Variants in IL26 observed in about 807,000 individuals in gnomAD.
IL26 encodes the protein interleukin 26.
IL26 carries 23 observed loss-of-function variants against 21.7 expected under a neutral mutation model. The ratio of observed to expected loss-of-function variants is 1.06; its 90% CI spans 0.76 to 1.50. IL26 has a LOEUF of 1.50. Ranked by LOEUF, IL26 falls within the 40% of genes most tolerant of loss-of-function variation. The probability of loss-of-function intolerance (pLI) is 0.00; values close to 1 mark genes in which losing one functional copy is unlikely to be tolerated. For synonymous variants in IL26, 63 were observed against 67.8 expected, an observed-to-expected ratio of 0.93 and a Z score of 0.34; for missense variants, 204 against 196.0, an observed-to-expected ratio of 1.04 and a Z score of -0.24.
At chr12:68,220,793 C>T (rs963104887) in intron 3 of IL26, among the ~76,000 whole-genome samples, 25 of 152,262 alleles carry the variant, frequency 1.6e-4, no homozygotes, top group African/African-American at 5.5e-4. Flanking sequence ...TGCGCCACCG[C>T]GCCTGGCTAA....
chr12:68,222,264 A>C (rs10784693), intron 3 of IL26, among the ~76,000 whole-genome samples: 27,950 of 152,112 alleles, frequency 0.18, 3,383 homozygotes, highest in East Asian at 0.55. Context: ...GATTTAAAGC[A>C]ATCAATATCA....
chr12:68,223,883 G>GTTTTTTTTTTTTTTTTTTTT (rs201652400), intron 3 of IL26, among the ~76,000 whole-genome samples: 9 of 81,884 alleles, frequency 1.1e-4, no homozygotes, highest in African/African-American at 1.4e-4. Context: ...TAAATTTGGT[G>GTTTTTTTTTTTTTTTTTTTT]GTTTTTTTTT....
intron 3 of IL26, among the ~76,000 whole-genome samples, chr12:68,217,279 A>T (rs1253636725): frequency 6.6e-6 from 1 of 152,236 alleles, no homozygotes; most frequent in African/African-American, 2.4e-5. Flanking sequence ...TTTTATCTTA[A>T]GAGTGGCTCA....
At chr12:68,209,845 T>G (rs1157993215) in intron 3 of IL26, among the ~76,000 whole-genome samples, 1 of 152,164 alleles carries the variant, frequency 6.6e-6, no homozygotes. Context: ...GACTGCATTC[T>G]CACGGAGAAT....
At chr12:68,214,424 ATT>A (rs1435747140) in intron 3 of IL26, among the ~76,000 whole-genome samples, 1 of 152,130 alleles carries the variant, frequency 6.6e-6, no homozygotes, top group Non-Finnish European at 1.5e-5. Context: ...CATTACTAAG[ATT>A]GGAGTGTTGA....
chr12:68,203,613 T>C (rs1868448545), intron 3 of IL26, among the ~76,000 whole-genome samples: 1 of 152,160 alleles, frequency 6.6e-6, no homozygotes, highest in Non-Finnish European at 1.5e-5. Context: ...GTCATATCAA[T>C]AAAGATAACA....
chr12:68,202,255 G>A (rs1408326820), intron 3 of IL26, among the ~76,000 whole-genome samples, 172 bp from the exon 4 acceptor site: 1 of 151,996 alleles, frequency 6.6e-6, no homozygotes, highest in African/African-American at 2.4e-5. Flanking sequence ...AGTTTCATGG[G>A]AAAGCAGATG....
chr12:68,225,084 C>T, intron 3 of IL26, 65 bp downstream of exon 3: 1 of 1,504,714 alleles, frequency 6.6e-7, no homozygotes, highest in Non-Finnish European at 8.9e-7. Flanking sequence ...GAGACAGATT[C>T]TTACATGCTG....
chr12:68,211,536 G>A (rs142002732), intron 3 of IL26, among the ~76,000 whole-genome samples: 2 of 152,004 alleles, frequency 1.3e-5, no homozygotes, highest in Non-Finnish European at 1.5e-5. Context: ...AGTGTGCCAG[G>A]GTTCCCCTTT....
intron 3 of IL26, among the ~76,000 whole-genome samples, chr12:68,204,490 A>G (rs1868478898): frequency 6.6e-6 from 1 of 152,144 alleles, no homozygotes; most frequent in Non-Finnish European, 1.5e-5. Context: ...AGAACCAGCC[A>G]CATTCTGGAC....
intron 3 of IL26, 83 bp from the exon 4 acceptor site, chr12:68,202,166 G>C: frequency 1.1e-6 from 1 of 904,774 alleles, no homozygotes; most frequent in Non-Finnish European, 1.7e-6. Flanking sequence ...AATATTTATA[G>C]AGCAGGTATT....
At chr12:68,222,577 G>A (rs1869084784) in intron 3 of IL26, among the ~76,000 whole-genome samples, 1 of 152,146 alleles carries the variant, frequency 6.6e-6, no homozygotes, top group South Asian at 2.1e-4. Flanking sequence ...AACAGAATGG[G>A]CCATTTCCTT....
chr12:68,222,704 C>A (rs1046607821), intron 3 of IL26, among the ~76,000 whole-genome samples: 1 of 152,196 alleles, frequency 6.6e-6, no homozygotes, highest in African/African-American at 2.4e-5. Context: ...ACAGTCCCCC[C>A]TTTCAAGAAG....
intron 3 of IL26, among the ~76,000 whole-genome samples, chr12:68,204,973 A>G (rs1425511222): frequency 7.0e-6 from 1 of 142,670 alleles, no homozygotes; most frequent in East Asian, 3.7e-4. Flanking sequence ...TGAAATTACA[A>G]TGTGTGATAA....
intron 3 of IL26, among the ~76,000 whole-genome samples, chr12:68,219,147 AG>A: frequency 6.6e-6 from 1 of 152,126 alleles, no homozygotes; most frequent in Non-Finnish European, 1.5e-5. Flanking sequence ...AAGTTAATAA[AG>A]AGAGAGAAAA....
At chr12:68,211,072 C>T in intron 3 of IL26, among the ~76,000 whole-genome samples, 1 of 152,170 alleles carries the variant, frequency 6.6e-6, no homozygotes, top group East Asian at 1.9e-4. Context: ...TAATCAACCT[C>T]TCTTCATCTT....
intron 3 of IL26, among the ~76,000 whole-genome samples, chr12:68,218,587 T>C (rs1334491638): frequency 6.6e-6 from 1 of 151,874 alleles, no homozygotes; most frequent in Non-Finnish European, 1.5e-5. Context: ...GTGGGACAAC[T>C]ACAAATGGGC....
At chr12:68,208,657 C>G (rs1868615488) in intron 3 of IL26, among the ~76,000 whole-genome samples, 1 of 152,086 alleles carries the variant, frequency 6.6e-6, no homozygotes, top group Non-Finnish European at 1.5e-5. Flanking sequence ...CACCCACCAC[C>G]ACGCCTGGCT....
intron 4 of IL26, 37 bp downstream of exon 4, chr12:68,201,981 A>G (rs774811574): frequency 1.3e-6 from 2 of 1,552,752 alleles, no homozygotes; most frequent in African/African-American, 1.4e-5. Context: ...TATTTTAAAA[A>G]ACAAAGTTTT....
Sources: gnomAD v4.1 joint callset for allele counts (sites outside exome capture counted in the v4.1 genomes callset) on GRCh38, gnomAD v4.1.1 for gene constraint, MANE v1.5 for transcripts, NCBI Gene and HGNC (gene_info 2026-07-23, HGNC 2026-07-21) for gene names.